Variants in MAPKAP1 observed in about 807,000 individuals in gnomAD.
The protein encoded by MAPKAP1 is MAPK associated protein 1.
A neutral mutation model predicts 65.7 loss-of-function variants in MAPKAP1; 20 were observed. That is an observed-to-expected ratio of 0.30 (90% CI 0.21 to 0.44). The LOEUF is 0.44. Among genes scored for constraint, MAPKAP1 ranks in the 20% least tolerant of loss-of-function variants. MAPKAP1 has a pLI of 1.00. For synonymous variants in MAPKAP1, 222 were observed against 244.3 expected (o/e 0.91, Z 0.85); for missense variants, 423 against 648.0 (o/e 0.65, Z 3.77).
intron 4 of MAPKAP1, among the ~76,000 whole-genome samples, chr9:125,634,544 G>T (rs1356826525): frequency 6.6e-6 from 1 of 152,138 alleles, no homozygotes; most frequent in Non-Finnish European, 1.5e-5. Context: ...TTTTCACAAG[G>T]TTTGGGGGAG....
At chr9:125,441,998 G>A (rs1035869157) in intron 11 of MAPKAP1, among the ~76,000 whole-genome samples, 11 of 151,792 alleles carry the variant, frequency 7.2e-5, no homozygotes, top group Non-Finnish European at 1.0e-4. Context: ...GCTTGGTGGC[G>A]GGTGCCTGTA....
chr9:125,671,989 G>C (rs138123924), intron 2 of MAPKAP1, among the ~76,000 whole-genome samples: 112 of 152,164 alleles, frequency 7.4e-4, no homozygotes, highest in Middle Eastern at 6.8e-3. Flanking sequence ...CTACCTACTG[G>C]GACTAATGTT....
intron 4 of MAPKAP1, among the ~76,000 whole-genome samples, chr9:125,626,789 G>T (rs1050303091): frequency 3.3e-5 from 5 of 152,080 alleles, no homozygotes; most frequent in Non-Finnish European, 7.4e-5. Context: ...AACTCTCAAG[G>T]TTCCAAAGTC....
chr9:125,628,509 T>C (rs1041211874), intron 4 of MAPKAP1, among the ~76,000 whole-genome samples: 6 of 152,178 alleles, frequency 3.9e-5, no homozygotes, highest in African/African-American at 1.2e-4. Context: ...GATTCTTTTG[T>C]ATGGATATCC....
chr9:125,599,956 G>A (rs1479627688), intron 4 of MAPKAP1: 2 of 151,966 alleles, frequency 1.3e-5, no homozygotes, highest in East Asian at 1.9e-4. Context: ...CTTTAGTCCT[G>A]GACTCAAAAC....
intron 5 of MAPKAP1, among the ~76,000 whole-genome samples, chr9:125,578,414 C>G (rs753101424): frequency 1.1e-4 from 17 of 148,808 alleles, no homozygotes; most frequent in Admixed American, 6.1e-4. Flanking sequence ...GAGAAACACC[C>G]AAGAATGATC....
intron 1 of MAPKAP1, among the ~76,000 whole-genome samples, chr9:125,673,078 C>T (rs1834540254): frequency 6.6e-6 from 1 of 152,154 alleles, no homozygotes; most frequent in Admixed American, 6.5e-5. Flanking sequence ...TTACATTTCC[C>T]CTCCTGTCAT....
intron 4 of MAPKAP1, among the ~76,000 whole-genome samples, chr9:125,615,932 A>C (rs1170540377): frequency 6.6e-6 from 1 of 152,054 alleles, no homozygotes; most frequent in Non-Finnish European, 1.5e-5. Context: ...AAAAAAAAGA[A>C]AAGAAAAGAG....
chr9:125,686,298 T>G (rs113945960), intron 1 of MAPKAP1, among the ~76,000 whole-genome samples: 3,021 of 118,684 alleles, frequency 0.025, 36 homozygotes, highest in Middle Eastern at 0.048. Context: ...GGCAAAAGAA[T>G]GAGACTCTGT....
At chr9:125,585,785 T>C in intron 4 of MAPKAP1, 58 bp from the exon 5 acceptor site, 1 of 1,530,314 alleles carries the variant, frequency 6.5e-7, no homozygotes, top group Non-Finnish European at 9.0e-7. Context: ...CAGACCCCAC[T>C]GCTCTCCAGG....
intron 7 of MAPKAP1, among the ~76,000 whole-genome samples, chr9:125,523,495 A>G (rs1470528788): frequency 6.6e-6 from 1 of 152,174 alleles, no homozygotes; most frequent in Non-Finnish European, 1.5e-5. Context: ...CTTTGCAACT[A>G]TGGAACCTTG....
intron 9 of MAPKAP1, among the ~76,000 whole-genome samples, chr9:125,481,895 C>T (rs977163318): frequency 6.6e-6 from 1 of 151,798 alleles, no homozygotes; most frequent in East Asian, 1.9e-4. Context: ...CTTTGGGAGG[C>T]CGAGGTGGGT....
intron 7 of MAPKAP1, among the ~76,000 whole-genome samples, chr9:125,519,843 C>G: frequency 6.6e-6 from 1 of 152,020 alleles, no homozygotes; most frequent in Admixed American, 6.6e-5. Flanking sequence ...CATAATGTCT[C>G]TGGTCTTCCT....
chr9:125,504,017 AAGAGCC>A (rs1829067415), intron 8 of MAPKAP1, among the ~76,000 whole-genome samples: 1 of 151,198 alleles, frequency 6.6e-6, no homozygotes, highest in African/African-American at 2.4e-5. Flanking sequence ...GATTACAGGC[AAGAGCC>A]ACCCTGCCCA....
At chr9:125,505,877 G>A (rs1397105557) in intron 8 of MAPKAP1, 1 of 184,582 alleles carries the variant, frequency 5.4e-6, no homozygotes, top group Non-Finnish European at 1.1e-5. Flanking sequence ...AAGTTTTGAA[G>A]TTCTCAACAT....
At chr9:125,697,376 T>C (rs1394509847) in intron 1 of MAPKAP1, among the ~76,000 whole-genome samples, 19 of 152,232 alleles carry the variant, frequency 1.2e-4, no homozygotes. Flanking sequence ...AGAACATTTC[T>C]AAAACTGAGA....
intron 5 of MAPKAP1, among the ~76,000 whole-genome samples, chr9:125,566,878 G>GT (rs1564561828): frequency 1.3e-5 from 2 of 152,286 alleles, no homozygotes; most frequent in East Asian, 3.9e-4. Context: ...GAAAATACAA[G>GT]TGACTACTTG....
At chr9:125,535,460 A>G (rs1830046827) in intron 7 of MAPKAP1, among the ~76,000 whole-genome samples, 1 of 152,102 alleles carries the variant, frequency 6.6e-6, no homozygotes, top group Non-Finnish European at 1.5e-5. Context: ...AGCATGGCAC[A>G]GAGCAGACAG....
At chr9:125,554,430 G>T (rs1830675085) in intron 6 of MAPKAP1, among the ~76,000 whole-genome samples, 2 of 152,192 alleles carry the variant, frequency 1.3e-5, no homozygotes, top group Non-Finnish European at 2.9e-5. Context: ...TTTCAGTTTT[G>T]AAACAGGGAG....
Sources: allele counts gnomAD v4.1 joint callset (sites outside exome capture counted in the v4.1 genomes callset), GRCh38; gene constraint gnomAD v4.1.1; transcripts MANE v1.5; gene names NCBI Gene and HGNC (gene_info 2026-07-23, HGNC 2026-07-21).